Variants in FAM228B observed in about 807,000 individuals in gnomAD.
The protein encoded by FAM228B is protein FAM228B.
A neutral mutation model predicts 42.6 loss-of-function variants in FAM228B; 38 were observed. The ratio of observed to expected loss-of-function variants is 0.89; its 90% CI spans 0.69 to 1.17. The LOEUF is 1.17. FAM228B is among the 50% of genes most tolerant of loss of function. The pLI, the probability that FAM228B is intolerant of heterozygous loss-of-function variation, is 0.00. For synonymous variants in FAM228B, 109 were observed against 122.3 expected (o/e 0.89, Z 0.72); for missense variants, 344 against 367.3 (o/e 0.94, Z 0.52).
chr2:24,141,445 C>T (rs532004246), intron 5 of FAM228B, among the ~76,000 whole-genome samples: 268 of 152,224 alleles, frequency 1.8e-3, no homozygotes, highest in African/African-American at 6.3e-3. Context: ...GGGGTTTCAC[C>T]GTGTTAGCCA....
chr2:24,150,250 A>T (rs1390607236), intron 7 of FAM228B, among the ~76,000 whole-genome samples: 1 of 152,152 alleles, frequency 6.6e-6, no homozygotes, highest in Non-Finnish European at 1.5e-5. Context: ...TTTCAGATTA[A>T]AGAACTCCCT....
Position 24,080,341 on chromosome 2 carries a change from T to A in FAM228B, c.-289-535T>A, listed in dbSNP as rs1172917505. On this transcript the variant is annotated intron_variant, in intron 1 of 10. Coordinates refer to the FAM228B transcript ENST00000613899. The surrounding 1 kb of genome is among the most constrained non-coding windows in gnomAD (Gnocchi z 4.7). ...CTGCACGCCATCCTCAGTGACAGAGTGAGACTCCATCTCAAAAAAAAAAAA... is the reference window on the plus strand; with the variant it reads ...CTGCACGCCATCCTCAGTGACAGAGAGAGACTCCATCTCAAAAAAAAAAAA... Among the ~76,000 whole-genome samples the A allele has an allele frequency of 2.7e-5, 4 of 146,950 alleles. No homozygotes were observed. The highest frequency in any genetic ancestry group is 1.0e-4 in the African/African-American group (4 of 39,638).
rs766080022 is a variant in FAM228B, at chr2:24,084,271, T to G, written c.-210+3316T>G. On this transcript the variant is annotated intron_variant, in intron 2 of 10. Coordinates refer to the FAM228B transcript ENST00000613899. This position sits in a 1 kb window ranked among gnomAD's most constrained non-coding sequence, Gnocchi z 8.4. Reference sequence around the variant, plus strand: ...CTCCCCCGGGCTCGGCTTGGCCACCTCCTTCACGTAGAGGTTTTCCGGTCC... The same window carrying G: ...CTCCCCCGGGCTCGGCTTGGCCACCGCCTTCACGTAGAGGTTTTCCGGTCC... 21 of 1,613,976 alleles carry G rather than the reference T, an allele frequency of 1.3e-5. No individual in the cohort carries two copies. The highest frequency in any genetic ancestry group is 3.4e-6 in the Non-Finnish European group (4 of 1,179,946).
chr2:24,122,598 G>A, upstream of FAM228B: 1 of 1,115,992 alleles, frequency 9.0e-7, no homozygotes, highest in Non-Finnish European at 1.4e-6. Flanking sequence ...GCTTTTAAAA[G>A]GCATGTGAAT....
intron 3 of FAM228B, among the ~76,000 whole-genome samples, chr2:24,118,272 A>G (rs1269321967): frequency 6.6e-6 from 1 of 152,182 alleles, no homozygotes; most frequent in Non-Finnish European, 1.5e-5. Flanking sequence ...GCCTCCTTCA[A>G]ATCCTGACAT....
rs934557269 is a variant in FAM228B, at chr2:24,154,019, G to T, written c.686+6933G>T. 2.6e-5 allele frequency among the ~76,000 whole-genome samples: 4 copies of T among 152,318 alleles called. No individual in the cohort carries two copies. The Middle Eastern group carries it at 0.01, about 389-fold the overall frequency. ...TCAGCATAAGTCCCCTACTCACTGG[G>T]CTCACCCTCCCCAAATGTACAAACT... On this transcript the variant is annotated intron_variant, in intron 7 of 10. Coordinates refer to ENST00000615575, the MANE Select transcript of FAM228B (RefSeq NM_001145710.2).
At chr2:24,165,477 G>A (rs936109778) in intron 9 of FAM228B, 2 of 471,074 alleles carry the variant, frequency 4.2e-6, no homozygotes, top group Admixed American at 4.7e-5. Flanking sequence ...AGGATCCTCA[G>A]GTCCCAGATG....
chr2:24,099,188 A>T (rs1002399535), intron 3 of FAM228B, among the ~76,000 whole-genome samples: 2 of 152,186 alleles, frequency 1.3e-5, no homozygotes, highest in African/African-American at 4.8e-5. Flanking sequence ...CTGAATGGGG[A>T]AAAACTGGAA....
rs184792280 is a variant in FAM228B at position 24,143,957 on chromosome 2, A to G, written c.442-2791A>G. Among the ~76,000 whole-genome samples the G allele has an allele frequency of 6.1e-3, 931 of 151,422 alleles. 19 individuals carry two copies. The highest frequency in any genetic ancestry group is 0.024 in the Admixed American group (364 of 15,212). On this transcript the variant is annotated intron_variant, in intron 5 of 10. Coordinates refer to ENST00000615575, the MANE Select transcript of FAM228B (RefSeq NM_001145710.2). ...GAACCCAGGAGGCGGAGGTTGCAGT[A>G]AGCTGAGATTGTGCCACTGCACTCT... is the stretch of plus-strand genomic sequence containing the variant.
chr2:24,161,427 G>A, intron 7 of FAM228B, 79 bp from the exon 8 acceptor site: 2 of 852,322 alleles, frequency 2.3e-6, no homozygotes, highest in Non-Finnish European at 3.7e-6. Flanking sequence ...ACCACAGCCT[G>A]AGCAACAGAG....
At chr2:24,116,069 C>G (rs1052509434) in intron 3 of FAM228B, among the ~76,000 whole-genome samples, 1 of 152,108 alleles carries the variant, frequency 6.6e-6, no homozygotes, top group Non-Finnish European at 1.5e-5. Flanking sequence ...TGGCTCATAT[C>G]TGTAATCCCA....
At position 24,158,196 on chromosome 2, in the gene FAM228B, C is replaced by CTTTTTTTTTTTTTTTTTTTTTTTTTT. The variant is rs1322122366; in HGVS notation, c.687-3293_687-3292insTTTTTTTTTTTTTTTTTTTTTTTTTT. On this transcript the variant is annotated intron_variant, in intron 7 of 10. Coordinates refer to ENST00000615575, the MANE Select transcript of FAM228B (RefSeq NM_001145710.2). Reference sequence around the variant, plus strand: ...ATGCTGGGCTTTCTCTCTGAACCTCCTTTTTTTTTTTTTTTTTCCAAAACA... The same window carrying CTTTTTTTTTTTTTTTTTTTTTTTTTT: ...ATGCTGGGCTTTCTCTCTGAACCTCCTTTTTTTTTTTTTTTTTTTTTTTTTTTTTTTTTTTTTTTTTTTCCAAAACA... Among the ~76,000 whole-genome samples the CTTTTTTTTTTTTTTTTTTTTTTTTTT allele has an allele frequency of 2.8e-4, 15 of 53,202 alleles. 6 individuals are homozygous for CTTTTTTTTTTTTTTTTTTTTTTTTTT. Among genetic ancestry groups the CTTTTTTTTTTTTTTTTTTTTTTTTTT allele is most frequent in the Admixed American group, 6.8e-4 (2 of 2,934 alleles). 34.9% of individuals were successfully genotyped at this position (53,202 alleles called of 152,430 possible). A position where few individuals can be genotyped will look rare whatever the true frequency, so the allele number is the denominator to read the frequency against.
chr2:24,167,783 G>A, intron 10 of FAM228B, 100 bp downstream of exon 10: 1 of 1,378,908 alleles, frequency 7.3e-7, no homozygotes, highest in Non-Finnish European at 9.9e-7. Context: ...GTGGGAGGGA[G>A]GAAAGAGAAA....
chr2:24,126,179 G>A (rs1666305497), intron 2 of FAM228B, among the ~76,000 whole-genome samples: 1 of 152,188 alleles, frequency 6.6e-6, no homozygotes, highest in Non-Finnish European at 1.5e-5. Context: ...CTCTTGGGTA[G>A]ATATTTAGTT....
At chr2:24,100,633 G>A (rs1665588534) in intron 3 of FAM228B, among the ~76,000 whole-genome samples, 1 of 152,184 alleles carries the variant, frequency 6.6e-6, no homozygotes, top group Non-Finnish European at 1.5e-5. Context: ...GAGAGGATGT[G>A]GAGAAATAGG....
chr2:24,117,467 G>C (rs1403295355), intron 3 of FAM228B, among the ~76,000 whole-genome samples: 3 of 149,884 alleles, frequency 2.0e-5, no homozygotes, highest in Non-Finnish European at 4.4e-5. Flanking sequence ...TCTCGAGACA[G>C]AGTCTCGCTG....
chr2:24,080,762 G>A lies in FAM228B; in HGVS notation c.-289-114G>A. The A allele has an allele frequency of 6.2e-7, 1 of 1,605,078 alleles. No individual in the cohort carries two copies. The highest frequency in any genetic ancestry group is 1.7e-5 in the Admixed American group (1 of 59,630). Reference sequence around the variant, plus strand: ...AGCACTGGCAACTTTGAGACTGGTGGGGCTTTTATTTAATCATCTCTTAAA... The same window carrying A: ...AGCACTGGCAACTTTGAGACTGGTGAGGCTTTTATTTAATCATCTCTTAAA... On this transcript the variant is annotated intron_variant, in intron 1 of 10. Coordinates refer to the FAM228B transcript ENST00000613899. This position sits in a 1 kb window ranked among gnomAD's most constrained non-coding sequence, Gnocchi z 4.7.
intron 10 of FAM228B, chr2:24,167,941 T>C: frequency 2.5e-6 from 1 of 397,878 alleles, no homozygotes; most frequent in South Asian, 3.2e-5. Flanking sequence ...TTCCTATTGC[T>C]TGGAATTTCT....
chr2:24,111,357 C>A (rs1665792054), intron 3 of FAM228B, among the ~76,000 whole-genome samples: 2 of 152,230 alleles, frequency 1.3e-5, no homozygotes, highest in Admixed American at 1.3e-4. Context: ...CCGCACCTGG[C>A]CCCACTTCCA....
Sources: allele counts gnomAD v4.1 joint callset (sites outside exome capture counted in the v4.1 genomes callset), GRCh38; gene constraint gnomAD v4.1.1; non-coding constraint Gnocchi (gnomAD v3.1); transcripts MANE v1.5; gene names NCBI Gene and HGNC (gene_info 2026-07-23, HGNC 2026-07-21).